The following PCDHA9 variants were observed in gnomAD, a reference collection of about 807,000 sequenced individuals.
PCDHA9 encodes protocadherin alpha 9.
In PCDHA9, 62 loss-of-function variants were observed where a neutral mutation model predicts 62.0. The ratio of observed to expected loss-of-function variants is 1.00; its 90% CI spans 0.81 to 1.23. PCDHA9 has a LOEUF of 1.23. PCDHA9 is among the 50% of genes most tolerant of loss of function. The pLI, the probability that PCDHA9 is intolerant of heterozygous loss-of-function variation, is 0.00. For synonymous variants in PCDHA9, 557 were observed against 567.6 expected, an observed-to-expected ratio of 0.98 and a Z score of 0.27; for missense variants, 1,205 against 1,249.8, an observed-to-expected ratio of 0.96 and a Z score of 0.54.
At chr5:140,989,601 A>C (rs553140269) in intron 3 of PCDHA9, among the ~76,000 whole-genome samples, 14 of 152,318 alleles carry the variant, frequency 9.2e-5, no homozygotes, top group African/African-American at 3.4e-4. Flanking sequence ...ACACAAGTAA[A>C]CTAAAAATGA....
At chr5:140,928,235 C>T (rs1455319165) in intron 1 of PCDHA9, 9 of 1,614,090 alleles carry the variant, frequency 5.6e-6, no homozygotes, top group African/African-American at 1.3e-5. Context: ...TTTCCTCAAC[C>T]CCAGCAGGAA....
At chr5:140,897,120 C>G (rs116233032) in intron 1 of PCDHA9, among the ~76,000 whole-genome samples, 4 of 152,134 alleles carry the variant, frequency 2.6e-5, no homozygotes, top group African/African-American at 9.7e-5. Context: ...TCTGTCCACA[C>G]CCCACTAAAC....
intron 3 of PCDHA9, among the ~76,000 whole-genome samples, chr5:140,996,253 A>C (rs2153938437): frequency 6.6e-6 from 1 of 152,370 alleles, no homozygotes; most frequent in African/African-American, 2.4e-5. Flanking sequence ...AAGTGACAGC[A>C]ACACAGAGCC....
chr5:140,859,090 A>G (rs2045720842), intron 1 of PCDHA9: 1 of 150,172 alleles, frequency 6.7e-6, no homozygotes, highest in African/African-American at 2.4e-5. Context: ...GTCAGTGTGT[A>G]TTATTCACTT....
intron 1 of PCDHA9, chr5:140,928,429 T>A: frequency 6.2e-7 from 1 of 1,614,146 alleles, no homozygotes; most frequent in Non-Finnish European, 8.5e-7. Flanking sequence ...CAAAACTTCC[T>A]TTGACTTTGA....
chr5:140,967,969 C>T (rs997628696), intron 1 of PCDHA9: 3 of 1,614,064 alleles, frequency 1.9e-6, no homozygotes, highest in African/African-American at 1.3e-5. Flanking sequence ...GGAAAGTGAG[C>T]CTGGGTCTGG....
intron 1 of PCDHA9, among the ~76,000 whole-genome samples, chr5:140,923,770 G>C (rs1554201580): frequency 6.6e-6 from 1 of 152,152 alleles, no homozygotes; most frequent in East Asian, 1.9e-4. Context: ...AATCCTACTG[G>C]GTGGATGGTT....
At chr5:140,949,932 TA>T (rs1438940739) in intron 1 of PCDHA9, among the ~76,000 whole-genome samples, 2 of 151,648 alleles carry the variant, frequency 1.3e-5, no homozygotes, top group African/African-American at 2.4e-5. Context: ...AGATTTTTTT[TA>T]ATTTGCATTT....
chr5:140,870,257 C>T (rs1554163963), intron 1 of PCDHA9: 1 of 1,614,172 alleles, frequency 6.2e-7, no homozygotes, highest in Non-Finnish European at 8.5e-7. Context: ...GGACAGGTGA[C>T]CTGCTCGCTG....
chr5:140,857,508 C>T, intron 1 of PCDHA9: 3 of 1,598,226 alleles, frequency 1.9e-6, no homozygotes, highest in Non-Finnish European at 2.6e-6. Context: ...CAGGAGAACG[C>T]CCTGGTGTCC....
At chr5:140,872,545 TGAACCCAGGGGTTCAG>T (rs1372003067) in intron 1 of PCDHA9, among the ~76,000 whole-genome samples, 1 of 152,158 alleles carries the variant, frequency 6.6e-6, no homozygotes, top group Non-Finnish European at 1.5e-5. Flanking sequence ...GAGGATCCCC[TGAACCCAGGGGTTCAG>T]GGCTGCAGTG....
intron 1 of PCDHA9, among the ~76,000 whole-genome samples, chr5:140,906,089 A>G (rs13182228): frequency 0.33 from 49,632 of 151,980 alleles, 8,394 homozygotes; most frequent in East Asian, 0.53. Flanking sequence ...CCAGACTGAG[A>G]GTAAGTGTGT....
At position 140,850,428 on chromosome 5, in the gene PCDHA9, C is replaced by T. The variant is rs2150483973; in HGVS notation, c.1933C>T (p.Gln645Ter). ...CCTGGACGAAACGGACGCACCGCGC[C>T]AGCGCCTACTGGTGCTGGTGAAAGA... ...RALDETDAPR[Q>*]RLLVLVKDHG... The change falls in exon 1 of 4, where the codon CAG becomes TAG. Residue 645 changes from glutamine (Q) to a stop codon, truncating the protein, a stop_gained. Transcript: ENST00000532602. LOFTEE classifies it high-confidence loss of function. 1 of 1,597,938 alleles carries T rather than the reference C, an allele frequency of 6.3e-7. No homozygotes were observed. Among genetic ancestry groups the T allele is most frequent in the Admixed American group, 1.7e-5 (1 of 59,278 alleles).
rs370111655 is a variant in PCDHA9, at chr5:140,902,185, TTCTC to T, written c.2394+51308_2394+51311del. Reference sequence around the variant, plus strand: ...TTCTAATTTGGATGTCCTTTATGTCTTCTCTCTCTCTCTCTTTCTTTTTTTTTTT... The same window carrying T: ...TTCTAATTTGGATGTCCTTTATGTCTTCTCTCTCTCTTTCTTTTTTTTTTT... On this transcript the variant is annotated intron_variant, in intron 1 of 3. Coordinates refer to ENST00000532602, the MANE Select transcript of PCDHA9 (RefSeq NM_031857.2). Among the ~76,000 whole-genome samples, 704 of 150,894 alleles carry T rather than the reference TTCTC, an allele frequency of 4.7e-3. 6 individuals carry two copies. Among genetic ancestry groups the T allele is most frequent in the African/African-American group, 0.015 (608 of 41,076 alleles).
Position 140,850,213 on chromosome 5 carries a change from C to G in PCDHA9, c.1718C>G (p.Thr573Ser), listed in dbSNP as rs2041430498. ...CTGCTGACACCTCGGATGAGGGGCA[C>G]TGACGGCGCAGTGAGCGAGATGGTG... Reference protein sequence around the residue: ...PALLTPRMRGTDGAVSEMVLR... With the variant: ...PALLTPRMRGSDGAVSEMVLR... The change falls in exon 1 of 4, where the codon ACT (threonine) becomes AGT (serine). Residue 573 changes from threonine (T) to serine (S), a missense_variant. Around this residue, in one of 3 missense-constraint regions of PCDHA9, gnomAD observed 887 missense variants for 809.5 expected, o/e 1.10. Transcript: ENST00000532602. The G allele has an allele frequency of 6.3e-7, 1 of 1,593,510 alleles. No homozygotes were observed. The highest frequency in any genetic ancestry group is 1.7e-5 in the Admixed American group (1 of 59,232).
chr5:141,001,943 A>G (rs1197227753), intron 3 of PCDHA9, among the ~76,000 whole-genome samples: 1 of 147,256 alleles, frequency 6.8e-6, no homozygotes, highest in African/African-American at 2.7e-5. Flanking sequence ...GAGCGGAAAT[A>G]AGGAGGAGGG....
rs782428365 is a variant in PCDHA9 at position 140,927,400 on chromosome 5, C to T, written c.2395-51549C>T. 7 of 1,614,126 alleles carry T rather than the reference C, an allele frequency of 4.3e-6. No homozygotes were observed. In the South Asian group the frequency reaches 5.5e-5, roughly 13 times the overall value. On this transcript the variant is annotated intron_variant, in intron 1 of 3. Transcript: ENST00000532602. ...CAGCCTAAGCCCCAGTCAGCACTTT[C>T]GCCTGGACATGGGATCGCGGGTTGA...
rs373714901 is a variant in PCDHA9, at chr5:140,898,150, G to T, written c.2394+47261G>T. 6.9e-3 allele frequency among the ~76,000 whole-genome samples: 1,047 copies of T among 152,166 alleles called. 8 individuals are homozygous for T. The highest frequency in any genetic ancestry group is 0.024 in the African/African-American group (1,013 of 41,482). ...CCCATTTTGTAGGTTGCCTGTTCAC[G>T]CTGATGGTGGTTTCTTTTGCTGTGC... On this transcript the variant is annotated intron_variant, in intron 1 of 3. Transcript: ENST00000532602.
At chr5:140,857,620 C>G (rs782083775) in intron 1 of PCDHA9, 4 of 1,596,448 alleles carry the variant, frequency 2.5e-6, no homozygotes, top group Non-Finnish European at 3.4e-6. Context: ...CGCTGGACCA[C>G]GAGGAGCTGG....
Sources: allele counts gnomAD v4.1 joint callset (sites outside exome capture counted in the v4.1 genomes callset), GRCh38; gene constraint gnomAD v4.1.1; regional missense constraint gnomAD v4.1.1; transcripts MANE v1.5; gene names NCBI Gene and HGNC (gene_info 2026-07-23, HGNC 2026-07-21).